KLF8: variants seen among roughly 807,000 people sequenced by gnomAD.
KLF8 encodes the protein Krueppel-like factor 8.
Under a neutral mutation model 18.2 loss-of-function variants are expected in KLF8, and 10 were observed. The observed-to-expected ratio is 0.55, with a 90% CI of 0.34 to 0.93. KLF8 has a LOEUF of 0.93. KLF8 is among the 40% of genes least tolerant of loss of function. The pLI is 0.02. For synonymous variants in KLF8, 109 were observed against 97.3 expected (o/e 1.12, Z -0.71); for missense variants, 264 against 277.9 (o/e 0.95, Z 0.36).
the KLF8 span, among the ~76,000 whole-genome samples, chrX:56,026,667 T>A: frequency 8.9e-6 from 1 of 112,136 alleles, no homozygotes; most frequent in Admixed American, 9.4e-5. Flanking sequence ...CTTTGCTGTC[T>A]TCTGTACTAA....
chrX:56,119,911 T>C, the KLF8 span, among the ~76,000 whole-genome samples: 1 of 108,740 alleles, frequency 9.2e-6, no homozygotes, highest in African/African-American at 3.4e-5. Context: ...ATTCTTTGGG[T>C]ACTAGAAAAT....
the KLF8 span, among the ~76,000 whole-genome samples, chrX:56,157,532 C>T: frequency 1.8e-5 from 2 of 111,186 alleles, no homozygotes; most frequent in Admixed American, 9.5e-5. Flanking sequence ...CCTATTTTTC[C>T]ACATCCTCTC....
chrX:56,177,802 G>T, the KLF8 span, among the ~76,000 whole-genome samples: 1 of 111,321 alleles, frequency 9.0e-6, no homozygotes, highest in Non-Finnish European at 1.9e-5. Context: ...TCAGAAATGG[G>T]GTCACCCCTC....
At chrX:56,266,892 G>T in intron 3 of KLF8, 1 of 753,752 alleles carries the variant, frequency 1.3e-6, no homozygotes, top group Non-Finnish European at 1.6e-6. Context: ...ACTCTGCACT[G>T]GTCTTCTGAA....
chrX:56,008,715 C>A, the KLF8 span, among the ~76,000 whole-genome samples: 16 of 112,298 alleles, frequency 1.4e-4, no homozygotes, highest in Admixed American at 4.7e-4. Context: ...AAGGGCAGCA[C>A]CCTCACTGCA....
At chrX:56,199,475 G>T in the KLF8 span, among the ~76,000 whole-genome samples, 2 of 111,981 alleles carry the variant, frequency 1.8e-5, no homozygotes, top group African/African-American at 3.2e-5. Context: ...GCAGCCTACA[G>T]ACACATGAAA....
the KLF8 span, among the ~76,000 whole-genome samples, chrX:56,057,729 G>T: frequency 1.8e-5 from 2 of 111,103 alleles, no homozygotes; most frequent in Non-Finnish European, 3.8e-5. Flanking sequence ...CAGAGTTAAG[G>T]TTCAATAGTT....
the KLF8 span, among the ~76,000 whole-genome samples, chrX:56,164,417 A>G: frequency 2.2e-5 from 2 of 90,086 alleles, no homozygotes; most frequent in African/African-American, 8.1e-5. Context: ...GAGCTAGTTT[A>G]TGAGGTCAAG....
At chrX:56,020,187 T>C in the KLF8 span, among the ~76,000 whole-genome samples, 1 of 111,574 alleles carries the variant, frequency 9.0e-6, no homozygotes, top group East Asian at 2.8e-4. Flanking sequence ...ATAATGGAAA[T>C]CAGCATGTAT....
the KLF8 span, among the ~76,000 whole-genome samples, chrX:55,957,183 C>A: frequency 9.0e-6 from 1 of 111,384 alleles, no homozygotes; most frequent in Admixed American, 9.6e-5. Context: ...GCACCCCTGG[C>A]AAATATCGTT....
the KLF8 span, among the ~76,000 whole-genome samples, chrX:56,111,562 A>G: frequency 8.9e-6 from 1 of 112,055 alleles, no homozygotes; most frequent in Non-Finnish European, 1.9e-5. Context: ...ATGGGAGAAA[A>G]TGTTTGCAAT....
At chrX:56,200,225 G>C in the KLF8 span, among the ~76,000 whole-genome samples, 1 of 110,285 alleles carries the variant, frequency 9.1e-6, no homozygotes, top group Admixed American at 9.7e-5. Flanking sequence ...AGAAGTTAAA[G>C]TATTTAAAAA....
intron 2 of KLF8, among the ~76,000 whole-genome samples, chrX:56,259,863 G>A (rs1318787582): frequency 1.8e-5 from 2 of 111,470 alleles, no homozygotes; most frequent in African/African-American, 3.3e-5. Flanking sequence ...TCGGTTTGAT[G>A]TGAAGTATTA....
the KLF8 span, among the ~76,000 whole-genome samples, chrX:55,940,633 T>C: frequency 9.0e-6 from 1 of 111,531 alleles, no homozygotes; most frequent in Admixed American, 9.5e-5. Context: ...AAAACCCCAT[T>C]GTCTCAGCCC....
the KLF8 span, among the ~76,000 whole-genome samples, chrX:56,105,120 G>A: frequency 1.8e-5 from 2 of 111,700 alleles, no homozygotes; most frequent in African/African-American, 6.5e-5. Context: ...TTGCTGAGGA[G>A]TGCTTTACTT....
At chrX:56,136,700 A>G in the KLF8 span, among the ~76,000 whole-genome samples, 1 of 111,664 alleles carries the variant, frequency 9.0e-6, no homozygotes, top group Non-Finnish European at 1.9e-5. Context: ...ATGGGCAAGG[A>G]CTTCATGTCT....
the KLF8 span, among the ~76,000 whole-genome samples, chrX:56,069,259 A>G: frequency 8.9e-6 from 1 of 111,922 alleles, no homozygotes; most frequent in African/African-American, 3.2e-5. Flanking sequence ...GGCAGGGTGC[A>G]TGACCCCACT....
At chrX:56,073,459 A>G in the KLF8 span, among the ~76,000 whole-genome samples, 1 of 111,624 alleles carries the variant, frequency 9.0e-6, no homozygotes, top group African/African-American at 3.3e-5. Context: ...TGCAGTGAAC[A>G]TTGGTGTACA....
chrX:55,989,694 G>T, the KLF8 span, among the ~76,000 whole-genome samples: 1 of 111,720 alleles, frequency 9.0e-6, no homozygotes, highest in Admixed American at 9.5e-5. Flanking sequence ...CCAGGCTTTG[G>T]TATCAGGATA....
Sources: gnomAD v4.1 joint callset for allele counts (sites outside exome capture counted in the v4.1 genomes callset) on GRCh38, gnomAD v4.1.1 for gene constraint, MANE v1.5 for transcripts, NCBI Gene and HGNC (gene_info 2026-07-23, HGNC 2026-07-21) for gene names.